The following DIS3L2 variants were observed in gnomAD, a reference collection of about 807,000 sequenced individuals.
DIS3L2 encodes DIS3 like 3'-5' exoribonuclease 2.
Under a neutral mutation model 97.5 loss-of-function variants are expected in DIS3L2, and 34 were observed. The ratio of observed to expected loss-of-function variants is 0.35; its 90% CI spans 0.27 to 0.46. The LOEUF is 0.46. DIS3L2 is among the 20% of genes least tolerant of loss of function. The probability of loss-of-function intolerance (pLI) is 1.00; values close to 1 mark genes in which losing one functional copy is unlikely to be tolerated. For synonymous variants in DIS3L2, 435 were observed against 445.2 expected (o/e 0.98, Z 0.29); for missense variants, 1,038 against 1,146.0 (o/e 0.91, Z 1.36).
intron 9 of DIS3L2, among the ~76,000 whole-genome samples, chr2:232,167,404 G>C (rs984402119): frequency 3.5e-4 from 53 of 152,242 alleles, no homozygotes; most frequent in African/African-American, 1.2e-3. Flanking sequence ...GGTGAAAGCA[G>C]TATGGTTGAA....
At chr2:231,992,672 CTAAGTGTAATGAACACTTAATGCCT>C (rs1490853020) in intron 1 of DIS3L2, among the ~76,000 whole-genome samples, 2 of 152,136 alleles carry the variant, frequency 1.3e-5, no homozygotes, top group Admixed American at 1.3e-4. Context: ...ATCCATCCTG[CTAAGTGTAATGAACACTTAATGCCT>C]TATTTCACTT....
chr2:232,081,795 T>C (rs1030449933), intron 5 of DIS3L2, among the ~76,000 whole-genome samples: 1 of 152,178 alleles, frequency 6.6e-6, no homozygotes, highest in South Asian at 2.1e-4. Flanking sequence ...CCTTTACTTT[T>C]TTTGTTTGTT....
chr2:232,087,785 C>T, intron 6 of DIS3L2, 64 bp downstream of exon 6: 6 of 1,290,036 alleles, frequency 4.7e-6, no homozygotes, highest in Admixed American at 4.0e-5. Flanking sequence ...GGAATTCCCT[C>T]TCTGCTGCAG....
chr2:232,158,011 T>C (rs190867637), intron 8 of DIS3L2, among the ~76,000 whole-genome samples: 450 of 152,336 alleles, frequency 3.0e-3, no homozygotes, highest in African/African-American at 9.9e-3. Context: ...TTTCCCTAGA[T>C]GCCCTTGTCA....
chr2:232,306,150 C>T (rs1165952330), intron 14 of DIS3L2, among the ~76,000 whole-genome samples: 2 of 152,254 alleles, frequency 1.3e-5, no homozygotes, highest in African/African-American at 2.4e-5. Flanking sequence ...CACATTCTGA[C>T]TCCTCACCCA....
rs887669229 is a variant in DIS3L2 at position 232,037,410 on chromosome 2, G to A, written c.366+7330G>A. ...CCACCAAGCTCAAGTGTCCCAGGTC[G>A]ACTTCAGACTGCTATGCTGGCAGCA... On this transcript the variant is annotated intron_variant, in intron 5 of 20. Coordinates refer to ENST00000325385, the MANE Select transcript of DIS3L2 (RefSeq NM_152383.5). This position sits in a 1 kb window ranked among gnomAD's most constrained non-coding sequence, Gnocchi z 4.6. 1.3e-5 allele frequency among the ~76,000 whole-genome samples: 2 copies of A among 152,178 alleles called. No individual in the cohort carries two copies. Among genetic ancestry groups the A allele is most frequent in the African/African-American group, 2.4e-5 (1 of 41,448 alleles).
chr2:232,329,785 T>TACCGGGGGGG, intron 14 of DIS3L2, 28 bp from the exon 15 acceptor site: 12 of 967,144 alleles, frequency 1.2e-5, no homozygotes, highest in African/African-American at 1.7e-5. Flanking sequence ...ACCCCAGCGG[T>TACCGGGGGGG]CCCTCCCATC....
intron 9 of DIS3L2, among the ~76,000 whole-genome samples, chr2:232,170,451 G>A (rs959979998): frequency 2.0e-5 from 3 of 152,128 alleles, no homozygotes; most frequent in African/African-American, 7.2e-5. Context: ...CATTGAAGTG[G>A]AGGTGGTTTC....
Position 232,263,188 on chromosome 2 carries a change from A to G in DIS3L2, c.1426-19A>G, listed in dbSNP as rs971831360. 3.5e-5 allele frequency: 57 copies of G among 1,611,736 alleles called. No individual in the cohort carries two copies. Among genetic ancestry groups the G allele is most frequent in the Non-Finnish European group, 4.6e-5 (54 of 1,178,016 alleles). On this transcript the variant is annotated intron_variant, in intron 12 of 20. Coordinates refer to ENST00000325385, the MANE Select transcript of DIS3L2 (RefSeq NM_152383.5). ...ACATTTGTCCTCACAATTCCCTTGT[A>G]ATCTGTCCATCTTTGCAGATCCTTG...
At chr2:232,022,249 T>C (rs1004985855) in intron 3 of DIS3L2, among the ~76,000 whole-genome samples, 18 of 152,168 alleles carry the variant, frequency 1.2e-4, no homozygotes, top group Non-Finnish European at 2.4e-4. Context: ...GTTTCCGAGG[T>C]CCAGTTCTTC....
At chr2:232,117,939 G>A (rs1480246703) in intron 6 of DIS3L2, among the ~76,000 whole-genome samples, 1 of 152,208 alleles carries the variant, frequency 6.6e-6, no homozygotes, top group African/African-American at 2.4e-5. Context: ...CAGGAATCTG[G>A]ATAGGGCCCT....
chr2:231,962,055 G>A (rs2106208323), intron 1 of DIS3L2, among the ~76,000 whole-genome samples: 2 of 152,364 alleles, frequency 1.3e-5, no homozygotes, highest in African/African-American at 4.8e-5. Flanking sequence ...GGCGTGAGGG[G>A]AGCGAGACCA....
At chr2:232,205,630 G>T (rs1692008806) in intron 9 of DIS3L2, among the ~76,000 whole-genome samples, 1 of 152,042 alleles carries the variant, frequency 6.6e-6, no homozygotes, top group Admixed American at 6.6e-5. Context: ...AGGAAATGAG[G>T]TAAAAGGAAC....
chr2:232,248,644 A>T (rs1312986013), intron 11 of DIS3L2, among the ~76,000 whole-genome samples: 1 of 152,244 alleles, frequency 6.6e-6, no homozygotes, highest in Admixed American at 6.5e-5. Flanking sequence ...ATTTAGGCTT[A>T]AAAAATGGGA....
intron 6 of DIS3L2, among the ~76,000 whole-genome samples, chr2:232,101,613 T>G (rs1310810619): frequency 6.6e-6 from 1 of 152,210 alleles, no homozygotes; most frequent in Non-Finnish European, 1.5e-5. Context: ...TAGTTTTTAT[T>G]CCCAAGATGC....
At chr2:232,087,432 T>C in intron 5 of DIS3L2, 55 bp from the exon 6 acceptor site, 2 of 1,298,010 alleles carry the variant, frequency 1.5e-6, no homozygotes, top group Admixed American at 2.5e-5. Flanking sequence ...AAAAATCTGC[T>C]CTTTTTTTTT....
At chr2:232,282,142 TAAAAA>T (rs60408194) in intron 13 of DIS3L2, among the ~76,000 whole-genome samples, 5 of 107,158 alleles carry the variant, frequency 4.7e-5, no homozygotes, top group Admixed American at 2.2e-4. Flanking sequence ...CTCGTTTATT[TAAAAA>T]AAAAAAAAAA....
At chr2:232,123,059 G>C (rs997883278) in intron 6 of DIS3L2, among the ~76,000 whole-genome samples, 1 of 152,142 alleles carries the variant, frequency 6.6e-6, no homozygotes, top group Non-Finnish European at 1.5e-5. Context: ...ACCCATCACT[G>C]TCTATAACTG....
At chr2:232,309,680 CAAGCCA>C (rs959324943) in intron 14 of DIS3L2, among the ~76,000 whole-genome samples, 24 of 152,158 alleles carry the variant, frequency 1.6e-4, no homozygotes, top group African/African-American at 2.7e-4. Flanking sequence ...GGAAAGTCCT[CAAGCCA>C]AAGCCAAAGC....
Sources: gnomAD v4.1 joint callset for allele counts (sites outside exome capture counted in the v4.1 genomes callset) on GRCh38, gnomAD v4.1.1 for gene constraint, Gnocchi (gnomAD v3.1) non-coding constraint, MANE v1.5 for transcripts, NCBI Gene and HGNC (gene_info 2026-07-23, HGNC 2026-07-21) for gene names.